The following SLC1A3 variants were observed in gnomAD, a reference collection of about 807,000 sequenced individuals.
The protein encoded by SLC1A3 is solute carrier family 1 member 3.
In SLC1A3, 21 loss-of-function variants were observed where a neutral mutation model predicts 48.1. The ratio of observed to expected loss-of-function variants is 0.44; its 90% CI spans 0.31 to 0.63. The LOEUF (loss-of-function observed/expected upper bound fraction) is 0.63, where lower values mean the gene tolerates loss of function less well. Ranked by LOEUF, SLC1A3 falls within the 20% of genes least tolerant of loss-of-function variation. The pLI, the probability that SLC1A3 is intolerant of heterozygous loss-of-function variation, is 0.08. For missense variants in SLC1A3, 546 were observed against 689.0 expected (o/e 0.79, Z 2.32); for synonymous variants, 239 against 251.4 (o/e 0.95, Z 0.47).
intron 8 of SLC1A3, among the ~76,000 whole-genome samples, chr5:36,683,271 G>A (rs914935295): frequency 2.0e-5 from 3 of 152,150 alleles, no homozygotes; most frequent in East Asian, 1.9e-4. Context: ...ATTTAAAAAC[G>A]ACTAGAATAA....
chr5:36,665,301 T>C (rs1000769196), intron 3 of SLC1A3, among the ~76,000 whole-genome samples: 1 of 151,380 alleles, frequency 6.6e-6, no homozygotes, highest in Non-Finnish European at 1.5e-5. Flanking sequence ...AAAAAAATGA[T>C]TATTGAGCCC....
At chr5:36,659,752 T>A (rs959758550) in intron 3 of SLC1A3, among the ~76,000 whole-genome samples, 4 of 152,372 alleles carry the variant, frequency 2.6e-5, no homozygotes, top group African/African-American at 9.6e-5. Context: ...CTGTTGACTG[T>A]AATAAATACA....
At chr5:36,619,301 T>C (rs1362607845) in intron 2 of SLC1A3, among the ~76,000 whole-genome samples, 1 of 152,184 alleles carries the variant, frequency 6.6e-6, no homozygotes, top group Non-Finnish European at 1.5e-5. Flanking sequence ...AGCAGAACTC[T>C]TACCCAGGTA....
chr5:36,654,758 A>G (rs957484788), intron 3 of SLC1A3, among the ~76,000 whole-genome samples: 1 of 152,146 alleles, frequency 6.6e-6, no homozygotes, highest in African/African-American at 2.4e-5. Context: ...TTCATTCAGT[A>G]TTGAGGCCCT....
chr5:36,608,596 T>C lies in SLC1A3; in HGVS notation c.173T>C (p.Val58Ala), dbSNP rs1739062822. 1 of 1,612,248 alleles carries C rather than the reference T, an allele frequency of 6.2e-7. No homozygotes were observed. Among genetic ancestry groups the C allele is most frequent in the African/African-American group, 1.4e-5 (1 of 73,832 alleles). Residue 58 changes from valine (V) to alanine (A), a missense_variant, in exon 2 of 10, where the codon GTC becomes GCC. Val to Ala is a moderately conservative substitution (Grantham distance 64). This residue lies in a region of SLC1A3 where 348 missense variants were observed against 392.0 expected (regional missense o/e 0.89). Coordinates refer to ENST00000265113, the MANE Select transcript of SLC1A3 (RefSeq NM_004172.5). The part of the protein sequence containing the change: ...NAFVLLTVTA[V>A]IVGTILGFTL... ...TTTGTGCTGCTCACAGTCACCGCTG[T>C]CATTGTGGGTGAGTCATTTGATTAA... is the stretch of plus-strand genomic sequence containing the variant.
At chr5:36,616,086 C>T (rs936815870) in intron 2 of SLC1A3, among the ~76,000 whole-genome samples, 10 of 152,152 alleles carry the variant, frequency 6.6e-5, no homozygotes, top group African/African-American at 2.4e-4. Context: ...ATCCCAGCTA[C>T]TCGGGAGGCT....
intron 4 of SLC1A3, among the ~76,000 whole-genome samples, chr5:36,672,844 A>G (rs3753180): frequency 0.091 from 13,933 of 152,286 alleles, 1,928 homozygotes; most frequent in African/African-American, 0.3. Context: ...AGTTCATACA[A>G]TTAATTAAGG....
chr5:36,682,741 G>C (rs1742488119), intron 8 of SLC1A3, among the ~76,000 whole-genome samples: 1 of 152,150 alleles, frequency 6.6e-6, no homozygotes, highest in African/African-American at 2.4e-5. Flanking sequence ...GTGGGGAGAT[G>C]GTATACCCTG....
Position 36,677,243 on chromosome 5 carries a change from T to C in SLC1A3, c.860+59T>C. ...CGAGATGGTTATTGCCATCAACATGTGTTCTGTACTGAGGAAGGTGCCACG... is the reference window on the plus strand; with the variant it reads ...CGAGATGGTTATTGCCATCAACATGCGTTCTGTACTGAGGAAGGTGCCACG... On this transcript the variant is annotated intron_variant, in intron 6 of 9. Transcript: ENST00000265113. 4 of 1,465,978 alleles carry C rather than the reference T, an allele frequency of 2.7e-6. No individual in the cohort carries two copies. The Admixed American group carries it at 6.7e-5, about 25-fold the overall frequency. The allele number at this position is 1,465,978 out of a possible 1,614,324, so 90.8% of individuals were successfully genotyped here. A position where few individuals can be genotyped will look rare whatever the true frequency, so the allele number is the denominator to read the frequency against.
intron 3 of SLC1A3, chr5:36,668,214 T>TAA (rs1741839346): frequency 6.6e-6 from 1 of 152,244 alleles, no homozygotes; most frequent in Non-Finnish European, 1.5e-5. Flanking sequence ...GTCTCTGGTG[T>TAA]AAAAAGGTTC....
chr5:36,617,241 C>A (rs925134737), intron 2 of SLC1A3, among the ~76,000 whole-genome samples: 12 of 152,138 alleles, frequency 7.9e-5, no homozygotes, highest in African/African-American at 2.9e-4. Context: ...TAGTGACTTT[C>A]CTCTCCATGG....
Position 36,671,180 on chromosome 5 carries a change from A to C in SLC1A3, c.471A>C (p.Arg157Ser), listed in dbSNP as rs1216325178. 6 of 1,613,890 alleles carry C rather than the reference A, an allele frequency of 3.7e-6. No individual in the cohort carries two copies. The highest frequency in any genetic ancestry group is 5.1e-6 in the Non-Finnish European group (6 of 1,179,890). Residue 157 changes from arginine to serine, a missense_variant, in exon 4 of 10, where the codon AGA (arginine) becomes AGC (serine). Physicochemically the swap from Arg to Ser is moderately radical, Grantham distance 110. Transcript: ENST00000265113. The part of the protein sequence containing the change: ...PGKGTKENMH[R>S]EGKIVRVTAA... ...AGGGCACAAAGGAAAACATGCACAG[A>C]GAAGGCAAAATTGTACGAGTGACAG...
At chr5:36,617,724 GCA>G (rs1418239053) in intron 2 of SLC1A3, among the ~76,000 whole-genome samples, 1 of 151,804 alleles carries the variant, frequency 6.6e-6, no homozygotes, top group Non-Finnish European at 1.5e-5. Context: ...TTATTCCTTA[GCA>G]CGTAGAAAGG....
chr5:36,636,007 T>C (rs777310760), intron 3 of SLC1A3: 4 of 146,298 alleles, frequency 2.7e-5, no homozygotes, highest in African/African-American at 5.1e-5. Context: ...TAAACTTTTT[T>C]TGCATCATGT....
intron 1 of SLC1A3, among the ~76,000 whole-genome samples, chr5:36,607,624 T>C (rs1261007452): frequency 1.3e-5 from 2 of 152,234 alleles, no homozygotes; most frequent in African/African-American, 4.8e-5. Flanking sequence ...TTCATACTTC[T>C]ACTTGTGATA....
At chr5:36,655,618 C>T (rs1209619937) in intron 3 of SLC1A3, among the ~76,000 whole-genome samples, 1 of 152,184 alleles carries the variant, frequency 6.6e-6, no homozygotes, top group African/African-American at 2.4e-5. Flanking sequence ...ATAAACTTAA[C>T]CAGTTTCCAA....
intron 5 of SLC1A3, among the ~76,000 whole-genome samples, chr5:36,676,400 C>T (rs1742207780): frequency 6.6e-6 from 1 of 152,196 alleles, no homozygotes; most frequent in African/African-American, 2.4e-5. Context: ...CACAACTGTT[C>T]TTGTTTCACA....
chr5:36,666,921 A>G (rs181135018), intron 3 of SLC1A3, among the ~76,000 whole-genome samples: 28 of 152,266 alleles, frequency 1.8e-4, no homozygotes, highest in Middle Eastern at 3.4e-3. Context: ...TTGCTCAAGA[A>G]ACTCCCTTCC....
chr5:36,608,969 A>G, intron 2 of SLC1A3: 2 of 1,015,634 alleles, frequency 2.0e-6, no homozygotes, highest in Non-Finnish European at 2.4e-6. Flanking sequence ...AGTTGCACTT[A>G]AAACTAATTT....
Sources: gnomAD v4.1 joint callset for allele counts (sites outside exome capture counted in the v4.1 genomes callset) on GRCh38, gnomAD v4.1.1 for gene constraint, gnomAD v4.1.1 regional missense constraint, MANE v1.5 for transcripts, NCBI Gene and HGNC (gene_info 2026-07-23, HGNC 2026-07-21) for gene names.